Variants in PLXDC2 observed in about 807,000 individuals in gnomAD.
PLXDC2 encodes the protein plexin domain containing 2.
A neutral mutation model predicts 68.9 loss-of-function variants in PLXDC2; 40 were observed. The ratio of observed to expected loss-of-function variants is 0.58; its 90% CI spans 0.45 to 0.76. The LOEUF is 0.76. PLXDC2 is among the 30% of genes least tolerant of loss of function. The probability of loss-of-function intolerance (pLI) is 0.00; values close to 1 mark genes in which losing one functional copy is unlikely to be tolerated. For missense variants in PLXDC2, 644 were observed against 661.9 expected (o/e 0.97, Z 0.30); for synonymous variants, 243 against 234.2 (o/e 1.04, Z -0.34).
intron 1 of PLXDC2, among the ~76,000 whole-genome samples, chr10:19,950,199 C>A (rs1244119720): frequency 6.6e-6 from 1 of 152,082 alleles, no homozygotes; most frequent in East Asian, 1.9e-4. Context: ...TAAAAGGCAT[C>A]CAAGTAGAAA....
At chr10:19,835,688 C>T (rs745511461) in intron 1 of PLXDC2, among the ~76,000 whole-genome samples, 17 of 152,146 alleles carry the variant, frequency 1.1e-4, no homozygotes, top group African/African-American at 3.4e-4. Context: ...GGCCCCCAGG[C>T]GGGAGATATA....
chr10:19,909,506 A>C (rs1310965308), intron 1 of PLXDC2, among the ~76,000 whole-genome samples: 13 of 152,200 alleles, frequency 8.5e-5, no homozygotes, highest in Non-Finnish European at 1.6e-4. Context: ...GAGATTAAGG[A>C]AATGATCGGA....
At chr10:19,820,209 G>A (rs192765701) in intron 1 of PLXDC2, among the ~76,000 whole-genome samples, 9 of 152,306 alleles carry the variant, frequency 5.9e-5, no homozygotes, top group Admixed American at 3.9e-4. Context: ...GCACATTTCA[G>A]TGTGATCTTC....
intron 12 of PLXDC2, among the ~76,000 whole-genome samples, chr10:20,229,414 G>A (rs1564360749): frequency 6.6e-6 from 1 of 150,462 alleles, no homozygotes; most frequent in Non-Finnish European, 1.5e-5. Flanking sequence ...TCCTAAACTT[G>A]GTAGCATTCC....
rs748974758 is a variant in PLXDC2 at position 20,287,979 on chromosome 10, C to CGGGGGGGG, written c.*8165_*8166insGGGGGGGG. ...AGAAGAAATTGGGCACTTCTTGCGG[C>CGGGGGGGG]GGGGGAGGGGGGGGGGGCGGTGGCT... On this transcript the variant is annotated 3_prime_UTR_variant, in exon 14 of 14. Coordinates refer to ENST00000377252, the MANE Select transcript of PLXDC2 (RefSeq NM_032812.9). 13 of 12,366 alleles carry CGGGGGGGG rather than the reference C, an allele frequency of 1.1e-3. No individual in the cohort carries two copies. The highest frequency in any genetic ancestry group is 1.7e-3 in the African/African-American group (5 of 2,978). 0.8% of individuals were successfully genotyped at this position (12,366 alleles called of 1,614,324 possible).
intron 1 of PLXDC2, among the ~76,000 whole-genome samples, chr10:19,920,535 G>A (rs1327895459): frequency 6.6e-6 from 1 of 152,338 alleles, no homozygotes; most frequent in East Asian, 1.9e-4. Flanking sequence ...GGAAGGAGGG[G>A]GAGTTTGGCT....
intron 1 of PLXDC2, among the ~76,000 whole-genome samples, chr10:19,834,544 A>G (rs893301096): frequency 6.6e-6 from 1 of 152,342 alleles, no homozygotes; most frequent in Non-Finnish European, 1.5e-5. Context: ...ACATCTGGCA[A>G]TAGACTGTTT....
rs141390465 is a variant in PLXDC2, at chr10:19,896,829, A to G, written c.112+79638A>G. Among the ~76,000 whole-genome samples, 566 of 152,288 alleles carry G rather than the reference A, an allele frequency of 3.7e-3. 3 individuals carry two copies. The highest frequency in any genetic ancestry group is 0.013 in the African/African-American group (545 of 41,564). ...TGGGTCTTTGGTCAAGTCTCAATTT[A>G]TCAGTGAAGTCTTTCCTGAGCATTT... On this transcript the variant is annotated intron_variant, in intron 1 of 13. Coordinates refer to ENST00000377252, the MANE Select transcript of PLXDC2 (RefSeq NM_032812.9).
At chr10:20,019,881 A>G (rs1282243158) in intron 2 of PLXDC2, among the ~76,000 whole-genome samples, 3 of 152,116 alleles carry the variant, frequency 2.0e-5, no homozygotes, top group Non-Finnish European at 4.4e-5. Context: ...AAAATGTTCT[A>G]TTACACAACA....
chr10:20,205,707 G>C (rs999982117), intron 9 of PLXDC2, among the ~76,000 whole-genome samples: 1 of 152,046 alleles, frequency 6.6e-6, no homozygotes, highest in African/African-American at 2.4e-5. Flanking sequence ...AGGTACAAAG[G>C]TATAATTAGG....
At chr10:19,939,604 A>G (rs1200835936) in intron 1 of PLXDC2, among the ~76,000 whole-genome samples, 1 of 152,206 alleles carries the variant, frequency 6.6e-6, no homozygotes, top group African/African-American at 2.4e-5. Context: ...AAGCTCACAG[A>G]AAGTAGGATT....
chr10:20,265,408 T>A (rs1386381240), intron 13 of PLXDC2, among the ~76,000 whole-genome samples: 2 of 152,236 alleles, frequency 1.3e-5, no homozygotes, highest in African/African-American at 4.8e-5. Flanking sequence ...ACATCTCATA[T>A]TTCAGCTTGC....
chr10:19,970,102 G>A (rs554816839), intron 1 of PLXDC2, among the ~76,000 whole-genome samples: 1 of 152,266 alleles, frequency 6.6e-6, no homozygotes, highest in South Asian at 2.1e-4. Flanking sequence ...CCCTATACCA[G>A]GAGAAATTTT....
intron 1 of PLXDC2, among the ~76,000 whole-genome samples, chr10:19,975,950 G>C (rs1834446846): frequency 6.6e-6 from 1 of 152,028 alleles, no homozygotes; most frequent in African/African-American, 2.4e-5. Flanking sequence ...ATTGTAATGA[G>C]CTGAGATCAT....
At chr10:19,920,634 T>G (rs538143316) in intron 1 of PLXDC2, among the ~76,000 whole-genome samples, 1 of 152,278 alleles carries the variant, frequency 6.6e-6, no homozygotes, top group South Asian at 2.1e-4. Context: ...GCTGCCCCCA[T>G]CTGCTCAGAG....
intron 1 of PLXDC2, among the ~76,000 whole-genome samples, chr10:19,887,774 A>G: frequency 6.6e-6 from 1 of 152,188 alleles, no homozygotes; most frequent in Non-Finnish European, 1.5e-5. Context: ...TGGGTGTAAA[A>G]GTGCTAAAAC....
At chr10:19,824,764 C>T in intron 1 of PLXDC2, among the ~76,000 whole-genome samples, 1 of 152,038 alleles carries the variant, frequency 6.6e-6, no homozygotes, top group East Asian at 1.9e-4. Context: ...TAAAATATTC[C>T]ACATGTGTTT....
intron 9 of PLXDC2, among the ~76,000 whole-genome samples, chr10:20,194,700 T>C (rs1333675309): frequency 6.6e-6 from 1 of 151,886 alleles, no homozygotes; most frequent in Non-Finnish European, 1.5e-5. Flanking sequence ...GTTTGTTACA[T>C]ATGTATACAT....
At chr10:19,854,005 C>G (rs1837168634) in intron 1 of PLXDC2, among the ~76,000 whole-genome samples, 1 of 152,174 alleles carries the variant, frequency 6.6e-6, no homozygotes, top group Non-Finnish European at 1.5e-5. Context: ...GGTGTTGTGA[C>G]TCCCACTGTG....
Sources: gnomAD v4.1 joint callset for allele counts (sites outside exome capture counted in the v4.1 genomes callset) on GRCh38, gnomAD v4.1.1 for gene constraint, MANE v1.5 for transcripts, NCBI Gene and HGNC (gene_info 2026-07-23, HGNC 2026-07-21) for gene names.